The following AUTS2 variants were observed in gnomAD, a reference collection of about 807,000 sequenced individuals.
AUTS2 encodes autism susceptibility gene 2 protein.
Under a neutral mutation model 112.4 loss-of-function variants are expected in AUTS2, and 17 were observed. The observed-to-expected ratio is 0.15, with a 90% CI of 0.10 to 0.23. The LOEUF is 0.23. Ranked by LOEUF, AUTS2 falls within the 10% of genes least tolerant of loss-of-function variation. The pLI, the probability that AUTS2 is intolerant of heterozygous loss-of-function variation, is 1.00. For missense variants in AUTS2, 1,510 were observed against 1,701.6 expected, an observed-to-expected ratio of 0.89 and a Z score of 1.98; for synonymous variants, 751 against 702.7, an observed-to-expected ratio of 1.07 and a Z score of -1.09.
intron 2 of AUTS2, among the ~76,000 whole-genome samples, chr7:69,930,629 G>A (rs1292551227): frequency 6.6e-6 from 1 of 152,064 alleles, no homozygotes; most frequent in Non-Finnish European, 1.5e-5. Context: ...TCTCCATCTT[G>A]ACCAGAAGTG....
intron 2 of AUTS2, among the ~76,000 whole-genome samples, chr7:69,954,081 T>C (rs1797128194): frequency 6.6e-6 from 1 of 152,150 alleles, no homozygotes; most frequent in African/African-American, 2.4e-5. Flanking sequence ...AGTATTTACA[T>C]ATATTTAAGG....
Position 70,621,838 on chromosome 7 carries a change from CTTTTTTT to C in AUTS2, c.691-76710_691-76704del, listed in dbSNP as rs67123941. ...GCTTACGTTAGTGCATAGTCATTCTCTTTTTTTTTTTTTTTTTTTTTTTTTTTGGAGA... is the reference window on the plus strand; with the variant it reads ...GCTTACGTTAGTGCATAGTCATTCTCTTTTTTTTTTTTTTTTTTTTGGAGA... On this transcript the variant is annotated intron_variant, in intron 5 of 18. Coordinates refer to ENST00000342771, the MANE Select transcript of AUTS2 (RefSeq NM_015570.4). 1.6e-4 allele frequency among the ~76,000 whole-genome samples: 11 copies of C among 66,816 alleles called. No homozygotes were observed. In the South Asian group the frequency reaches 3.2e-3, roughly 19 times the overall value. The allele number at this position is 66,816 out of a possible 152,430, so 43.8% of individuals were successfully genotyped here.
chr7:70,240,141 C>T (rs1284489421), intron 4 of AUTS2, among the ~76,000 whole-genome samples: 1 of 152,124 alleles, frequency 6.6e-6, no homozygotes, highest in Non-Finnish European at 1.5e-5. Flanking sequence ...TCTCCCAGCC[C>T]CGGTAGCCAA....
intron 5 of AUTS2, among the ~76,000 whole-genome samples, chr7:70,676,030 T>C (rs552612841): frequency 6.6e-6 from 1 of 152,356 alleles, no homozygotes; most frequent in South Asian, 2.1e-4. Context: ...TCTTTCTACC[T>C]GTGTTTCTTC....
chr7:70,497,277 C>A (rs1235693263), intron 5 of AUTS2, among the ~76,000 whole-genome samples: 23 of 135,978 alleles, frequency 1.7e-4, no homozygotes, highest in East Asian at 4.7e-4. Context: ...CACACACCCC[C>A]CACACACATG....
intron 9 of AUTS2, 107 bp from the exon 10 acceptor site, chr7:70,767,917 G>A (rs1393475758): frequency 5.0e-5 from 52 of 1,032,976 alleles, no homozygotes; most frequent in Admixed American, 2.0e-4. Context: ...AGGTTATGGG[G>A]TCTCATGACA....
At chr7:70,752,775 T>C (rs564201956) in intron 6 of AUTS2, among the ~76,000 whole-genome samples, 1 of 152,296 alleles carries the variant, frequency 6.6e-6, no homozygotes, top group East Asian at 1.9e-4. Flanking sequence ...CCCCAATAGA[T>C]CACAACCTAT....
rs1042360493 is a variant in AUTS2 at position 70,793,119 on chromosome 7, T to C, written c.*2123T>C. The stretch of plus-strand genomic sequence containing the variant: ...GAGGAGGGGGGGTTCTGTTAGTTTT[T>C]CGTATGTCCAAGATACTGTAAAAGG... On this transcript the variant is annotated 3_prime_UTR_variant, in exon 19 of 19. Transcript: ENST00000342771. 6.6e-6 allele frequency: 1 copy of C among 152,254 alleles called. No individual in the cohort carries two copies. The highest frequency in any genetic ancestry group is 2.4e-5 in the African/African-American group (1 of 41,448). The allele number at this position is 152,254 out of a possible 1,614,324, so 9.4% of individuals were successfully genotyped here.
intron 4 of AUTS2, among the ~76,000 whole-genome samples, chr7:70,255,497 T>C (rs1435241885): frequency 6.6e-6 from 1 of 152,242 alleles, no homozygotes; most frequent in Non-Finnish European, 1.5e-5. Flanking sequence ...CCTTTTGACA[T>C]TTGCATTCCA....
At chr7:70,439,358 T>C (rs1201769344) in intron 5 of AUTS2, among the ~76,000 whole-genome samples, 2 of 151,766 alleles carry the variant, frequency 1.3e-5, no homozygotes, top group Admixed American at 1.3e-4. Flanking sequence ...ACCAACATAG[T>C]GAAACCCCGT....
chr7:70,639,193 G>C (rs1805679539), intron 5 of AUTS2, among the ~76,000 whole-genome samples: 1 of 152,058 alleles, frequency 6.6e-6, no homozygotes, highest in African/African-American at 2.4e-5. Flanking sequence ...CAAAAGTCTG[G>C]TTTCTTTTAT....
intron 1 of AUTS2, among the ~76,000 whole-genome samples, chr7:69,762,998 G>C (rs1436660295): frequency 6.6e-6 from 1 of 152,144 alleles, no homozygotes; most frequent in Admixed American, 6.5e-5. Context: ...CAAGCTCGGG[G>C]ATACAAGCCT....
intron 3 of AUTS2, among the ~76,000 whole-genome samples, chr7:70,131,698 C>T (rs1806279402): frequency 6.6e-6 from 1 of 151,960 alleles, no homozygotes; most frequent in Non-Finnish European, 1.5e-5. Context: ...ATATTTGCAG[C>T]TGTATTTAGA....
chr7:70,663,675 T>A (rs1398733745), intron 5 of AUTS2, among the ~76,000 whole-genome samples: 2 of 151,996 alleles, frequency 1.3e-5, no homozygotes, highest in African/African-American at 4.8e-5. Context: ...CAAGAACTAG[T>A]CATGTGACCT....
chr7:69,797,301 C>T (rs1415504479), intron 1 of AUTS2, among the ~76,000 whole-genome samples: 1 of 152,104 alleles, frequency 6.6e-6, no homozygotes, highest in African/African-American at 2.4e-5. Context: ...GTTTTCAGCT[C>T]CCCAAGCCAT....
chr7:69,704,468 C>T (rs769010966), intron 1 of AUTS2, among the ~76,000 whole-genome samples: 13 of 151,912 alleles, frequency 8.6e-5, no homozygotes, highest in African/African-American at 1.5e-4. Context: ...TTAGTAGAGA[C>T]GGGATTTCAT....
intron 5 of AUTS2, among the ~76,000 whole-genome samples, chr7:70,635,309 C>T (rs1805478802): frequency 6.6e-6 from 1 of 152,156 alleles, no homozygotes; most frequent in South Asian, 2.1e-4. Flanking sequence ...GACTTACCCC[C>T]TTGGCTGCCA....
At chr7:70,366,113 C>G (rs2129628856) in intron 4 of AUTS2, among the ~76,000 whole-genome samples, 1 of 152,084 alleles carries the variant, frequency 6.6e-6, no homozygotes, top group East Asian at 1.9e-4. Context: ...ATCTCTAAAA[C>G]CAAAGCTTAT....
chr7:69,634,752 G>A (rs1794438476), intron 1 of AUTS2, among the ~76,000 whole-genome samples: 2 of 152,176 alleles, frequency 1.3e-5, no homozygotes, highest in African/African-American at 2.4e-5. Context: ...CATTGGAGAC[G>A]CAATTTGGCA....
Sources: gnomAD v4.1 joint callset for allele counts (sites outside exome capture counted in the v4.1 genomes callset) on GRCh38, gnomAD v4.1.1 for gene constraint, MANE v1.5 for transcripts, NCBI Gene and HGNC (gene_info 2026-07-23, HGNC 2026-07-21) for gene names.